VPS13B: variants seen among roughly 807,000 people sequenced by gnomAD.
VPS13B encodes vacuolar protein sorting 13 homolog B, also known as intermembrane lipid transfer protein VPS13B.
Under a neutral mutation model 426.4 loss-of-function variants are expected in VPS13B, and 285 were observed. That is an observed-to-expected ratio of 0.67 (90% confidence interval 0.61 to 0.74). The LOEUF is 0.74. Among genes scored for constraint, VPS13B ranks in the 30% least tolerant of loss-of-function variants. The pLI is 0.00. For missense variants in VPS13B, 4,537 were observed against 4,782.6 expected (o/e 0.95, Z 1.51); for synonymous variants, 1,676 against 1,676.4 (o/e 1.00, Z 0.01).
chr8:99,235,618 C>A (rs1816597269), intron 17 of VPS13B, among the ~76,000 whole-genome samples: 2 of 152,078 alleles, frequency 1.3e-5, no homozygotes, highest in African/African-American at 4.8e-5. Flanking sequence ...TAGTAGGCTG[C>A]ATATTATATA....
intron 19 of VPS13B, among the ~76,000 whole-genome samples, chr8:99,338,575 A>T (rs1054672325): frequency 3.3e-5 from 5 of 152,170 alleles, no homozygotes; most frequent in African/African-American, 1.2e-4. Context: ...TTCTGAGCAC[A>T]TTATATTTAA....
At chr8:99,594,427 A>G (rs1463601904) in intron 33 of VPS13B, among the ~76,000 whole-genome samples, 3 of 151,958 alleles carry the variant, frequency 2.0e-5, no homozygotes, top group African/African-American at 4.8e-5. Context: ...TGATTGTTAT[A>G]TAATAAGAAC....
chr8:99,103,085 G>C lies in VPS13B; in HGVS notation c.545G>C (p.Gly182Ala). ...ACTTCTGCAGAATGTTATACAGTAG[G>C]TGAATTATGGGATCGTGCATTCATG... ...NITSAECYTVGELWDRAFMDI... is the reference protein window; with the variant it reads ...NITSAECYTVAELWDRAFMDI... The change falls in exon 5 of 62, where the codon GGT (glycine) becomes GCT (alanine). Residue 182 changes from glycine to alanine, a missense_variant. Physicochemically the swap from Gly to Ala is moderately conservative, Grantham distance 60 (BLOSUM62 0). Around this residue, in one of 2 missense-constraint regions of VPS13B, gnomAD observed 226 missense variants for 308.3 expected, o/e 0.73. Coordinates refer to ENST00000357162, the MANE Select transcript of VPS13B (RefSeq NM_152564.5). The C allele has an allele frequency of 1.2e-6, 2 of 1,613,990 alleles. No homozygotes were observed. Among genetic ancestry groups the C allele is most frequent in the Non-Finnish European group, 1.7e-6 (2 of 1,179,946 alleles).
chr8:99,225,082 T>C (rs1049200932), intron 17 of VPS13B, among the ~76,000 whole-genome samples: 3 of 152,194 alleles, frequency 2.0e-5, no homozygotes, highest in Admixed American at 6.5e-5. Flanking sequence ...CCTTTGTCTT[T>C]TTATCGTTGA....
rs755827237 is a variant in VPS13B at position 99,875,443 on chromosome 8, CAG to C, written c.11774_11775del (p.Glu3925AlafsTer41). The C allele has an allele frequency of 6.2e-7, 1 of 1,614,152 alleles. No homozygotes were observed. Among genetic ancestry groups the C allele is most frequent in the Non-Finnish European group, 8.5e-7 (1 of 1,179,998 alleles). On this transcript the variant is annotated frameshift_variant, in exon 62 of 62. Coordinates refer to ENST00000357162, the MANE Select transcript of VPS13B (RefSeq NM_152564.5). LOFTEE classifies it high-confidence loss of function. ...GTAGATGGAGTCCGAGAGAGACTGT[CAG>C]AGCAACAGTACAACAGACTGGTGGA...
chr8:99,534,628 A>G (rs1563781316), intron 30 of VPS13B, among the ~76,000 whole-genome samples: 2 of 152,174 alleles, frequency 1.3e-5, no homozygotes, highest in Admixed American at 6.5e-5. Context: ...CTCTGAGTTT[A>G]AAGACAAGTG....
intron 19 of VPS13B, among the ~76,000 whole-genome samples, chr8:99,333,892 T>C (rs988785665): frequency 6.6e-6 from 1 of 152,040 alleles, no homozygotes; most frequent in Non-Finnish European, 1.5e-5. Flanking sequence ...CTTGTGTATA[T>C]CGGTAGTTTA....
At chr8:99,502,699 A>G (rs900642088) in intron 26 of VPS13B, 137 bp from the exon 27 acceptor site, 10 of 738,996 alleles carry the variant, frequency 1.4e-5, no homozygotes, top group Non-Finnish European at 2.2e-5. Context: ...TGATTTGCTT[A>G]TTATTCTAGA....
intron 24 of VPS13B, among the ~76,000 whole-genome samples, chr8:99,477,105 A>G (rs1464206303): frequency 1.3e-5 from 2 of 152,168 alleles, no homozygotes; most frequent in African/African-American, 4.8e-5. Flanking sequence ...CCATAACTGT[A>G]ATGCAGTTCA....
intron 43 of VPS13B, among the ~76,000 whole-genome samples, chr8:99,806,142 G>T (rs563326816): frequency 1.7e-3 from 256 of 152,306 alleles, no homozygotes; most frequent in African/African-American, 5.4e-3. Context: ...GAAGATATCA[G>T]TGACTATCCA....
chr8:99,409,298 G>T lies in VPS13B; in HGVS notation c.3082+17594G>T, dbSNP rs372660596. On this transcript the variant is annotated intron_variant, in intron 21 of 61. Transcript: ENST00000357162. ...ATCTGGGTGATGAGGGGTATTGTTA[G>T]AATTTTGGGTTTTTCCTGATGGCTG... 2.6e-5 allele frequency among the ~76,000 whole-genome samples: 4 copies of T among 152,096 alleles called. No homozygotes were observed. The East Asian group carries it at 7.7e-4, about 29-fold the overall frequency.
intron 3 of VPS13B, among the ~76,000 whole-genome samples, chr8:99,051,052 A>C (rs1213162621): frequency 6.6e-6 from 1 of 152,028 alleles, no homozygotes; most frequent in African/African-American, 2.4e-5. Flanking sequence ...CCATTTGTCC[A>C]TTTTGGCTTT....
intron 13 of VPS13B, among the ~76,000 whole-genome samples, chr8:99,144,835 G>A (rs1003070853): frequency 2.6e-5 from 4 of 152,184 alleles, no homozygotes; most frequent in Admixed American, 2.6e-4. Flanking sequence ...AAATATTTCA[G>A]TCATTGATAA....
chr8:99,742,051 C>G (rs544052119), intron 39 of VPS13B, among the ~76,000 whole-genome samples: 88 of 151,882 alleles, frequency 5.8e-4, no homozygotes, highest in Non-Finnish European at 1.1e-3. Context: ...TCTTTTGAAA[C>G]GATCAACAAA....
intron 58 of VPS13B, among the ~76,000 whole-genome samples, chr8:99,866,411 A>T (rs561906697): frequency 1.3e-5 from 2 of 152,330 alleles, no homozygotes; most frequent in African/African-American, 4.8e-5. Flanking sequence ...GGTGTGTGTG[A>T]CAGGCCAGCT....
intron 3 of VPS13B, among the ~76,000 whole-genome samples, chr8:99,065,853 A>G (rs1028030045): frequency 1.3e-5 from 2 of 152,254 alleles, no homozygotes; most frequent in African/African-American, 2.4e-5. Flanking sequence ...GCATTCCTAT[A>G]CACTAATAAC....
intron 20 of VPS13B, among the ~76,000 whole-genome samples, chr8:99,386,830 G>A (rs986998594): frequency 4.5e-4 from 68 of 152,204 alleles, no homozygotes; most frequent in African/African-American, 1.5e-3. Flanking sequence ...TTAGCTCTGC[G>A]TGGTGGTGCA....
At chr8:99,413,108 G>T in intron 21 of VPS13B, among the ~76,000 whole-genome samples, 1 of 152,104 alleles carries the variant, frequency 6.6e-6, no homozygotes. Flanking sequence ...TTTTTATATT[G>T]TTTGGAATAG....
chr8:99,313,269 C>G lies in VPS13B; in HGVS notation c.2824+38015C>G, dbSNP rs145541851. Among the ~76,000 whole-genome samples the G allele has an allele frequency of 3.4e-3, 521 of 152,268 alleles. 2 individuals are homozygous for G. Among genetic ancestry groups the G allele is most frequent in the African/African-American group, 0.012 (499 of 41,546 alleles). ...CTGATTTTTAGAATTTTCAGCTTTT[C>G]TGGTCTGTTTTTTCTGCATCTTTGT... On this transcript the variant is annotated intron_variant, in intron 19 of 61. Transcript: ENST00000357162.
Sources: allele counts gnomAD v4.1 joint callset (sites outside exome capture counted in the v4.1 genomes callset), GRCh38; gene constraint gnomAD v4.1.1; regional missense constraint gnomAD v4.1.1; transcripts MANE v1.5; gene names NCBI Gene and HGNC (gene_info 2026-07-23, HGNC 2026-07-21).